The following DIP2C variants were observed in gnomAD, a reference collection of about 807,000 sequenced individuals.
The protein encoded by DIP2C is DIP2 acetate--CoA ligase C (putative), also known as disco-interacting protein 2 homolog C.
In DIP2C, 33 loss-of-function variants were observed where a neutral mutation model predicts 192.4. The observed-to-expected ratio is 0.17, with a 90% CI of 0.13 to 0.23. The LOEUF is 0.23. Among genes scored for constraint, DIP2C ranks in the 10% least tolerant of loss-of-function variants. The pLI is 1.00. For missense variants in DIP2C, 1,537 were observed against 2,110.1 expected (o/e 0.73, Z 5.32); for synonymous variants, 979 against 864.1 (o/e 1.13, Z -2.33).
intron 1 of DIP2C, among the ~76,000 whole-genome samples, chr10:682,513 G>C (rs1018489629): frequency 5.3e-5 from 8 of 151,940 alleles, no homozygotes; most frequent in African/African-American, 1.9e-4. Flanking sequence ...GTAAGAAATG[G>C]TCAAGTAAAC....
chr10:375,558 T>C (rs989991940), intron 17 of DIP2C, among the ~76,000 whole-genome samples: 3 of 152,376 alleles, frequency 2.0e-5, no homozygotes, highest in Non-Finnish European at 4.4e-5. Flanking sequence ...ATGGCTTCCA[T>C]TGAACCATTT....
At chr10:650,898 C>A (rs577637683) in intron 1 of DIP2C, 3 of 717,526 alleles carry the variant, frequency 4.2e-6, no homozygotes, top group South Asian at 1.5e-5. Flanking sequence ...GTGGGCCTCA[C>A]GGGGGAAGCT....
chr10:576,005 G>A (rs1372161399), intron 1 of DIP2C, among the ~76,000 whole-genome samples: 1 of 152,230 alleles, frequency 6.6e-6, no homozygotes, highest in Non-Finnish European at 1.5e-5. Context: ...GCCAGTCTCT[G>A]TCCTGCTCCT....
intron 1 of DIP2C, among the ~76,000 whole-genome samples, chr10:596,160 T>A (rs952287735): frequency 6.6e-6 from 1 of 152,008 alleles, no homozygotes; most frequent in Non-Finnish European, 1.5e-5. Flanking sequence ...ACAGATAACG[T>A]TTTAAAAAAT....
At chr10:404,237 CTTG>C (rs1964644402) in intron 9 of DIP2C, among the ~76,000 whole-genome samples, 4 of 146,512 alleles carry the variant, frequency 2.7e-5, no homozygotes, top group African/African-American at 5.0e-5. Context: ...GAGACAGAGT[CTTG>C]TTGTGTCACC....
chr10:458,109 C>A (rs1969454299), intron 3 of DIP2C, among the ~76,000 whole-genome samples: 1 of 152,190 alleles, frequency 6.6e-6, no homozygotes. Flanking sequence ...AGGCTACTGC[C>A]CTCATACTGG....
At position 363,979 on chromosome 10, in the gene DIP2C, G is replaced by C. The variant is rs1366843631; in HGVS notation, c.2477+395C>G. 6.6e-6 allele frequency among the ~76,000 whole-genome samples: 1 copy of C among 152,198 alleles called. No individual in the cohort carries two copies. The highest frequency in any genetic ancestry group is 2.4e-5 in the African/African-American group (1 of 41,448). On this transcript the variant is annotated intron_variant, in intron 20 of 36. Coordinates refer to ENST00000280886, the MANE Select transcript of DIP2C (RefSeq NM_014974.3). The surrounding 1 kb of genome is among the most constrained non-coding windows in gnomAD (Gnocchi z 5.4). Reference sequence around the variant, plus strand: ...AGGCAAGGCAGGGAGAAGAAAACTGGTAGAGCGGGGAGGTGGCGAGCGTCT... The same window carrying C: ...AGGCAAGGCAGGGAGAAGAAAACTGCTAGAGCGGGGAGGTGGCGAGCGTCT...
At chr10:594,213 C>T (rs951798857) in intron 1 of DIP2C, among the ~76,000 whole-genome samples, 10 of 152,306 alleles carry the variant, frequency 6.6e-5, no homozygotes, top group African/African-American at 2.4e-4. Context: ...TAAGTCAGCT[C>T]CATGTAAATA....
chr10:583,342 A>T (rs1420647327), intron 1 of DIP2C, among the ~76,000 whole-genome samples: 1 of 152,214 alleles, frequency 6.6e-6, no homozygotes, highest in East Asian at 1.9e-4. Flanking sequence ...ACATTTTTTT[A>T]AAAAGTTTAT....
At chr10:308,266 C>T (rs1347603039) in intron 32 of DIP2C, among the ~76,000 whole-genome samples, 3 of 149,568 alleles carry the variant, frequency 2.0e-5, no homozygotes, top group African/African-American at 7.7e-5. Context: ...CAGCTAGCAG[C>T]GACGGTCAGC....
chr10:367,338 A>G (rs1589623764), intron 18 of DIP2C, among the ~76,000 whole-genome samples: 1 of 150,556 alleles, frequency 6.6e-6, no homozygotes, highest in Admixed American at 6.6e-5. Flanking sequence ...AATGGCGTGA[A>G]CCCGGGAGGC....
At position 310,054 on chromosome 10, in the gene DIP2C, G is replaced by A. The variant is rs1956504553; in HGVS notation, c.3963C>T (p.Asp1321=). Reference sequence around the variant, plus strand: ...ACCTGTCGTGTCTCAGGGCTCTCATGTCCACGTAGACAGTGGTTGGGTCAG... The same window carrying A: ...ACCTGTCGTGTCTCAGGGCTCTCATATCCACGTAGACAGTGGTTGGGTCAG... The part of the protein sequence containing the change: ...SGPDPTTVYV[D]MRALRHDRVR... The change falls in exon 32 of 37, where the codon GAC becomes GAT. Residue 1321 remains aspartate, a synonymous_variant. Coordinates refer to ENST00000280886, the MANE Select transcript of DIP2C (RefSeq NM_014974.3). The A allele has an allele frequency of 6.2e-7, 1 of 1,614,204 alleles. No individual in the cohort carries two copies. The highest frequency in any genetic ancestry group is 8.5e-7 in the Non-Finnish European group (1 of 1,180,038).
intron 1 of DIP2C, among the ~76,000 whole-genome samples, chr10:592,681 AT>A (rs1183311652): frequency 6.6e-5 from 10 of 152,174 alleles, no homozygotes; most frequent in Admixed American, 1.3e-4. Flanking sequence ...TGACAACACT[AT>A]TTTTAATTCT....
At chr10:677,822 G>T (rs900547385) in intron 1 of DIP2C, among the ~76,000 whole-genome samples, 2 of 152,224 alleles carry the variant, frequency 1.3e-5, no homozygotes, top group Non-Finnish European at 2.9e-5. Context: ...GACTCATACA[G>T]TCCCCACAAT....
intron 1 of DIP2C, among the ~76,000 whole-genome samples, chr10:687,359 C>A (rs1294170192): frequency 6.6e-6 from 1 of 152,224 alleles, no homozygotes; most frequent in African/African-American, 2.4e-5. Context: ...GGCAAACCCA[C>A]ACTTCACAGC....
At chr10:487,352 T>C (rs1388714273) in intron 1 of DIP2C, among the ~76,000 whole-genome samples, 1 of 152,150 alleles carries the variant, frequency 6.6e-6, no homozygotes, top group African/African-American at 2.4e-5. Context: ...AGCAAATGAA[T>C]GAAAAGTTAT....
chr10:578,782 C>T (rs1471399783), intron 1 of DIP2C, among the ~76,000 whole-genome samples: 2 of 151,022 alleles, frequency 1.3e-5, no homozygotes, highest in Non-Finnish European at 1.5e-5. Flanking sequence ...ATATAGTGTA[C>T]AAGCATAAGT....
intron 32 of DIP2C, among the ~76,000 whole-genome samples, chr10:304,166 A>G (rs1294176845): frequency 6.6e-6 from 1 of 152,232 alleles, no homozygotes; most frequent in African/African-American, 2.4e-5. Context: ...TTATGCACGT[A>G]CTGTGTATGA....
At chr10:655,501 T>G (rs927540752) in intron 1 of DIP2C, among the ~76,000 whole-genome samples, 2 of 152,034 alleles carry the variant, frequency 1.3e-5, no homozygotes, top group African/African-American at 2.4e-5. Context: ...CGCTACGTAA[T>G]ACTCACTGTC....
Sources: gnomAD v4.1 joint callset for allele counts (sites outside exome capture counted in the v4.1 genomes callset) on GRCh38, gnomAD v4.1.1 for gene constraint, Gnocchi (gnomAD v3.1) non-coding constraint, MANE v1.5 for transcripts, NCBI Gene and HGNC (gene_info 2026-07-23, HGNC 2026-07-21) for gene names.